The following PCGF5 variants were observed in gnomAD, a reference collection of about 807,000 sequenced individuals.
PCGF5 encodes polycomb group ring finger 5.
PCGF5 carries 9 observed loss-of-function variants against 44.3 expected under a neutral mutation model. That is an observed-to-expected ratio of 0.20 (90% confidence interval 0.12 to 0.35). The LOEUF is 0.35. Ranked by LOEUF, PCGF5 falls within the 10% of genes least tolerant of loss-of-function variation. PCGF5 has a pLI of 1.00. For synonymous variants in PCGF5, 95 were observed against 102.5 expected, an observed-to-expected ratio of 0.93 and a Z score of 0.44; for missense variants, 146 against 305.3, an observed-to-expected ratio of 0.48 and a Z score of 3.89.
intron 1 of PCGF5, among the ~76,000 whole-genome samples, chr10:91,184,914 C>G (rs1269680526): frequency 1.3e-5 from 2 of 152,144 alleles, no homozygotes; most frequent in African/African-American, 4.8e-5. Context: ...GAGTTATGGA[C>G]CTGTTGCCAG....
intron 1 of PCGF5, among the ~76,000 whole-genome samples, chr10:91,221,890 T>A (rs920722547): frequency 6.6e-6 from 1 of 152,052 alleles, no homozygotes. Flanking sequence ...GAAGTAAGCA[T>A]TAAAAACTAG....
At chr10:91,195,240 C>T (rs1487777994) in intron 1 of PCGF5, among the ~76,000 whole-genome samples, 1 of 150,978 alleles carries the variant, frequency 6.6e-6, no homozygotes, top group Non-Finnish European at 1.5e-5. Flanking sequence ...TGCCACCATA[C>T]ACCGTTGAAA....
chr10:91,234,647 T>A (rs949977651), intron 2 of PCGF5, among the ~76,000 whole-genome samples: 1 of 152,240 alleles, frequency 6.6e-6, no homozygotes. Flanking sequence ...CTGATTCTCC[T>A]TATCATTTTA....
At chr10:91,162,879 GCGCCGC>G (rs536747418), upstream of PCGF5, 3 of 147,574 alleles carry the variant, frequency 2.0e-5, no homozygotes, top group Admixed American at 6.8e-5. Flanking sequence ...GCCGCCGCCA[GCGCCGC>G]CGCCGCCGCC....
At chr10:91,256,312 C>T (rs964122323) in intron 6 of PCGF5, among the ~76,000 whole-genome samples, 2 of 151,914 alleles carry the variant, frequency 1.3e-5, no homozygotes, top group African/African-American at 4.8e-5. Flanking sequence ...GAAAATTTTA[C>T]TGGTGAGGCT....
upstream of PCGF5, among the ~76,000 whole-genome samples, chr10:91,158,268 A>T (rs1843343788): frequency 6.6e-6 from 1 of 152,236 alleles, no homozygotes; most frequent in Non-Finnish European, 1.5e-5. Context: ...TCTTCTTAAA[A>T]TACTGCCTGG....
chr10:91,271,999 G>A (rs966782175), intron 9 of PCGF5, among the ~76,000 whole-genome samples: 3 of 152,054 alleles, frequency 2.0e-5, no homozygotes, highest in African/African-American at 4.8e-5. Context: ...ATTTTGAGAC[G>A]TTACTTTCTT....
intron 7 of PCGF5, among the ~76,000 whole-genome samples, chr10:91,262,715 A>G (rs1221678613): frequency 6.6e-6 from 1 of 152,198 alleles, no homozygotes; most frequent in Non-Finnish European, 1.5e-5. Context: ...AAAATTCTAG[A>G]GACATCAACG....
At chr10:91,179,022 C>A (rs1843769126) in intron 1 of PCGF5, among the ~76,000 whole-genome samples, 2 of 152,228 alleles carry the variant, frequency 1.3e-5, no homozygotes, top group African/African-American at 4.8e-5. Flanking sequence ...TTTGGGTAAG[C>A]CCTAGGGAAT....
chr10:91,185,802 G>T (rs1246502571), intron 1 of PCGF5, among the ~76,000 whole-genome samples: 1 of 152,128 alleles, frequency 6.6e-6, no homozygotes, highest in African/African-American at 2.4e-5. Flanking sequence ...TTCACTCCCT[G>T]CTTCCCTGGG....
upstream of PCGF5, among the ~76,000 whole-genome samples, chr10:91,162,727 G>A (rs536687280): frequency 2.0e-5 from 3 of 151,642 alleles, no homozygotes; most frequent in Non-Finnish European, 4.4e-5. Context: ...GCGGCTCGAG[G>A]AGGCCTGGCG....
chr10:91,261,754 G>T (rs1265585765), intron 7 of PCGF5, among the ~76,000 whole-genome samples: 1 of 152,166 alleles, frequency 6.6e-6, no homozygotes, highest in African/African-American at 2.4e-5. Context: ...TTTTATCTGA[G>T]ATCTTTGAGA....
intron 9 of PCGF5, among the ~76,000 whole-genome samples, chr10:91,272,049 G>A (rs1246484616): frequency 6.6e-6 from 1 of 152,166 alleles, no homozygotes; most frequent in Non-Finnish European, 1.5e-5. Flanking sequence ...TCAACCACAA[G>A]TGAAATATAA....
chr10:91,262,356 A>G (rs576019219), intron 7 of PCGF5, among the ~76,000 whole-genome samples: 23 of 152,234 alleles, frequency 1.5e-4, no homozygotes, highest in African/African-American at 5.3e-4. Flanking sequence ...TGAACCTGGG[A>G]GGCGGAGGTT....
Position 91,251,279 on chromosome 10 carries a change from T to A in PCGF5, c.326-13T>A. The A allele has an allele frequency of 6.3e-7, 1 of 1,590,814 alleles. No homozygotes were observed. Among genetic ancestry groups the A allele is most frequent in the African/African-American group, 1.4e-5 (1 of 73,952 alleles). On this transcript the variant is annotated splice_polypyrimidine_tract_variant and intron_variant, in intron 5 of 9. Coordinates refer to ENST00000336126, the MANE Select transcript of PCGF5 (RefSeq NM_032373.5). The stretch of plus-strand genomic sequence containing the variant: ...TGATTTATAGCTAACTTAGTTTTGT[T>A]TAAATTATACAGATGATACTTCAAA...
chr10:91,202,790 C>T lies in PCGF5; in HGVS notation c.-183-19899C>T, dbSNP rs976863029. 7.9e-4 allele frequency among the ~76,000 whole-genome samples: 120 copies of T among 152,078 alleles called. 1 individual carries two copies. Among genetic ancestry groups the T allele is most frequent in the African/African-American group, 2.7e-3 (111 of 41,394 alleles). The stretch of plus-strand genomic sequence containing the variant: ...TAGGCGAAAAGATTGGCCATTTATG[C>T]TATATAATATGCTTACTATCAAACT... On this transcript the variant is annotated intron_variant, in intron 1 of 9. Coordinates refer to the PCGF5 transcript ENST00000614189.
chr10:91,159,612 T>G (rs1463516437), upstream of PCGF5, among the ~76,000 whole-genome samples: 1 of 152,190 alleles, frequency 6.6e-6, no homozygotes, highest in Admixed American at 6.5e-5. Flanking sequence ...CTGTGAGAAA[T>G]GAATGTTTGT....
At chr10:91,259,348 C>G (rs1845835937) in intron 6 of PCGF5, among the ~76,000 whole-genome samples, 2 of 152,174 alleles carry the variant, frequency 1.3e-5, no homozygotes, top group Admixed American at 1.3e-4. Context: ...TATGGCTCCT[C>G]AGGGTCCCAT....
intron 1 of PCGF5, among the ~76,000 whole-genome samples, chr10:91,182,575 T>G (rs1589355073): frequency 6.6e-6 from 1 of 152,188 alleles, no homozygotes; most frequent in African/African-American, 2.4e-5. Context: ...TGTTATTTCT[T>G]GTCTTCTAGC....
Sources: gnomAD v4.1 joint callset for allele counts (sites outside exome capture counted in the v4.1 genomes callset) on GRCh38, gnomAD v4.1.1 for gene constraint, MANE v1.5 for transcripts, NCBI Gene and HGNC (gene_info 2026-07-23, HGNC 2026-07-21) for gene names.